The following DNAJC21 variants were observed in gnomAD, a reference collection of about 807,000 sequenced individuals.
DNAJC21 encodes dnaJ homolog subfamily C member 21.
A neutral mutation model predicts 72.4 loss-of-function variants in DNAJC21; 63 were observed. The ratio of observed to expected loss-of-function variants is 0.87; its 90% CI spans 0.71 to 1.07. The LOEUF (loss-of-function observed/expected upper bound fraction) is 1.07, where lower values mean the gene tolerates loss of function less well. Ranked by LOEUF, DNAJC21 falls within the 50% of genes least tolerant of loss-of-function variation. The pLI is 0.00. For missense variants in DNAJC21, 634 were observed against 644.8 expected (o/e 0.98, Z 0.18); for synonymous variants, 203 against 216.7 (o/e 0.94, Z 0.56).
At chr5:34,942,843 C>A (rs141569948) in intron 7 of DNAJC21, among the ~76,000 whole-genome samples, 1 of 152,102 alleles carries the variant, frequency 6.6e-6, no homozygotes, top group East Asian at 1.9e-4. Flanking sequence ...TTGAGGTGGA[C>A]AGATCACCTG....
At chr5:34,938,724 A>G (rs1764879659) in intron 5 of DNAJC21, 134 bp from the exon 6 acceptor site, 1 of 966,024 alleles carries the variant, frequency 1.0e-6, no homozygotes, top group Non-Finnish European at 1.4e-6. Context: ...TTAACTAAGC[A>G]CAGGTTTTAA....
chr5:34,932,392 G>T (rs1318384867), intron 1 of DNAJC21, among the ~76,000 whole-genome samples: 2 of 147,496 alleles, frequency 1.4e-5, no homozygotes, highest in African/African-American at 5.1e-5. Context: ...CTGCACTCCA[G>T]CCTGGTGACA....
At chr5:34,953,496 C>CA (rs1272880956) in intron 10 of DNAJC21, 2 of 152,720 alleles carry the variant, frequency 1.3e-5, no homozygotes, top group Non-Finnish European at 2.9e-5. Context: ...CTCCTGACCT[C>CA]AAGTGATCTC....
Position 34,954,985 on chromosome 5 carries a change from C to T in DNAJC21, c.*271C>T, listed in dbSNP as rs1387181911. 1 of 240,934 alleles carries T rather than the reference C, an allele frequency of 4.2e-6. No individual in the cohort carries two copies. The highest frequency in any genetic ancestry group is 7.9e-6 in the Non-Finnish European group (1 of 126,842). 14.9% of individuals were successfully genotyped at this position (240,934 alleles called of 1,614,324 possible). A position where few individuals can be genotyped will look rare whatever the true frequency, so the allele number is the denominator to read the frequency against. On this transcript the variant is annotated 3_prime_UTR_variant, in exon 12 of 12. Transcript: ENST00000648817. Reference sequence around the variant, plus strand: ...TGTGTATTCTTGATGTTTATTGGCTCATGTGGACAGAAATGTACAGGGAGA... The same window carrying T: ...TGTGTATTCTTGATGTTTATTGGCTTATGTGGACAGAAATGTACAGGGAGA...
At chr5:34,945,664 T>G in intron 8 of DNAJC21, 97 bp from the exon 9 acceptor site, 1 of 1,032,384 alleles carries the variant, frequency 9.7e-7, no homozygotes, top group Non-Finnish European at 1.4e-6. Flanking sequence ...TTTACTTCTG[T>G]TTTACTACTT....
At position 34,937,644 on chromosome 5, in the gene DNAJC21, G is replaced by C. The variant is rs376034641; in HGVS notation, c.743+14G>C. 1.7e-5 allele frequency: 27 copies of C among 1,600,072 alleles called. No individual in the cohort carries two copies. In the African/African-American group the frequency reaches 3.2e-4, roughly 19 times the overall value. ...AAAGCAGGCCAAGTGCGTAGCGTGC[G>C]TGGGGCCCTCTTCTCAGTATCGGTG... On this transcript the variant is annotated intron_variant, in intron 5 of 11. Transcript: ENST00000648817.
chr5:34,942,296 G>T (rs1386456131), intron 7 of DNAJC21, among the ~76,000 whole-genome samples: 4 of 152,016 alleles, frequency 2.6e-5, no homozygotes. Context: ...CAATGATGAA[G>T]AAAGAAGTAT....
chr5:34,943,101 A>G (rs1195960893), intron 7 of DNAJC21, among the ~76,000 whole-genome samples: 3 of 152,210 alleles, frequency 2.0e-5, no homozygotes, highest in African/African-American at 7.2e-5. Context: ...TTATTCTCTT[A>G]TGTAACCATG....
Position 34,933,802 on chromosome 5 carries a change from G to C in DNAJC21, c.98-13G>C. ...ACGTTTTTGATTGACTTAAATTTCT[G>C]TGACTTTAACAGATAAAAATCTGGA... On this transcript the variant is annotated splice_polypyrimidine_tract_variant and intron_variant, in intron 1 of 11. Coordinates refer to ENST00000648817, the MANE Select transcript of DNAJC21 (RefSeq NM_001012339.3). The C allele has an allele frequency of 6.2e-7, 1 of 1,609,090 alleles. No individual in the cohort carries two copies. The highest frequency in any genetic ancestry group is 8.5e-7 in the Non-Finnish European group (1 of 1,177,512).
At chr5:34,937,969 T>A (rs776918001) in intron 5 of DNAJC21, among the ~76,000 whole-genome samples, 2 of 152,080 alleles carry the variant, frequency 1.3e-5, no homozygotes, top group African/African-American at 2.4e-5. Flanking sequence ...AGCTAATTTT[T>A]GTATTTTTAG....
rs145257223 is a variant in DNAJC21 at position 34,937,382 on chromosome 5, A to G, written c.495A>G (p.Ala165=). 5.2e-5 allele frequency: 84 copies of G among 1,613,898 alleles called. No individual in the cohort carries two copies. The African/African-American group carries it at 1.1e-3, about 20-fold the overall frequency. The part of the protein sequence containing the change: ...WQSFCTQKNF[A]WKEEYDTRQA... ...GTTTCTGCACTCAAAAGAATTTTGCATGGAAGGAAGAATATGATACACGAC... is the reference window on the plus strand; with the variant it reads ...GTTTCTGCACTCAAAAGAATTTTGCGTGGAAGGAAGAATATGATACACGAC... The change falls in exon 5 of 12, where the codon GCA becomes GCG. Residue 165 remains alanine (A), a synonymous_variant. Coordinates refer to ENST00000648817, the MANE Select transcript of DNAJC21 (RefSeq NM_001012339.3).
At chr5:34,944,299 G>A (rs1765097913) in intron 7 of DNAJC21, among the ~76,000 whole-genome samples, 1 of 152,168 alleles carries the variant, frequency 6.6e-6, no homozygotes, top group African/African-American at 2.4e-5. Flanking sequence ...TGTTGAAAAA[G>A]CAAGAGGCAG....
rs1454291950 is a variant in DNAJC21, at chr5:34,944,894, G to A, written c.1011G>A (p.Lys337=). ...KAMKNHEKSK[K]HREMVALLKQ... ...TGAAGAATCACGAGAAGTCAAAGAAGCATCGGGAAATGGTGGCCTTGCTAA... is the reference window on the plus strand; with the variant it reads ...TGAAGAATCACGAGAAGTCAAAGAAACATCGGGAAATGGTGGCCTTGCTAA... The change falls in exon 8 of 12, where the codon AAG becomes AAA. Residue 337 remains lysine (K), a synonymous_variant. Coordinates refer to ENST00000648817, the MANE Select transcript of DNAJC21 (RefSeq NM_001012339.3). 6.2e-7 allele frequency: 1 copy of A among 1,614,122 alleles called. No individual in the cohort carries two copies. Among genetic ancestry groups the A allele is most frequent in the South Asian group, 1.1e-5 (1 of 91,080 alleles).
intron 10 of DNAJC21, chr5:34,952,248 T>C (rs1765397993): frequency 1.0e-6 from 1 of 984,206 alleles, no homozygotes; most frequent in South Asian, 4.7e-5. Context: ...TTATCCTAAA[T>C]TTGTTAGACA....
rs754153100 is a variant in DNAJC21, at chr5:34,937,582, C to T, written c.695C>T (p.Ala232Val). ...KLVEEQNAEKARKAEEMRRQQ... is the reference protein window; with the variant it reads ...KLVEEQNAEKVRKAEEMRRQQ... Reference sequence around the variant, plus strand: ...GTGGAAGAACAGAATGCAGAGAAGGCGAGGAAAGCCGAAGAGATGAGGCGG... The same window carrying T: ...GTGGAAGAACAGAATGCAGAGAAGGTGAGGAAAGCCGAAGAGATGAGGCGG... Residue 232 changes from alanine (A) to valine (V), a missense_variant, in exon 5 of 12, where the codon GCG (alanine) becomes GTG (valine). Ala to Val is a moderately conservative substitution (Grantham distance 64). Transcript: ENST00000648817. 19 of 1,613,506 alleles carry T rather than the reference C, an allele frequency of 1.2e-5. No individual in the cohort carries two copies. Among genetic ancestry groups the T allele is most frequent in the Middle Eastern group, 3.3e-4 (2 of 6,078 alleles).
Position 34,958,865 on chromosome 5 carries a change from A to C in DNAJC21, c.*4151A>C, listed in dbSNP as rs1765606239. On this transcript the variant is annotated 3_prime_UTR_variant, in exon 12 of 12. Coordinates refer to ENST00000648817, the MANE Select transcript of DNAJC21 (RefSeq NM_001012339.3). ...AAATTATGTTAAAAAAATAAGAAGAATGACTATTTTTCAAAACAAAAAATG... is the reference window on the plus strand; with the variant it reads ...AAATTATGTTAAAAAAATAAGAAGACTGACTATTTTTCAAAACAAAAAATG... The C allele has an allele frequency of 6.6e-6, 1 of 152,242 alleles. No homozygotes were observed. The highest frequency in any genetic ancestry group is 1.5e-5 in the Non-Finnish European group (1 of 68,038). The allele number at this position is 152,242 out of a possible 1,614,324, so 9.4% of individuals were successfully genotyped here. A position where few individuals can be genotyped will look rare whatever the true frequency, so the allele number is the denominator to read the frequency against.
chr5:34,946,238 T>C (rs528457569), intron 9 of DNAJC21, among the ~76,000 whole-genome samples: 179 of 152,176 alleles, frequency 1.2e-3, no homozygotes, highest in Non-Finnish European at 2.0e-3. Context: ...CTTGTAATGA[T>C]TGTGAGTCTT....
At chr5:34,950,932 C>T (rs1765343678) in intron 10 of DNAJC21, 1 of 985,316 alleles carries the variant, frequency 1.0e-6, no homozygotes, top group South Asian at 4.7e-5. Flanking sequence ...TCCTCTAGAA[C>T]AGAGAATCAT....
intron 7 of DNAJC21, 125 bp downstream of exon 7, chr5:34,941,308 C>A: frequency 1.2e-6 from 1 of 814,604 alleles, no homozygotes; most frequent in Non-Finnish European, 2.0e-6. Context: ...GATGATCCTC[C>A]CATGTCAGCC....
Sources: gnomAD v4.1 joint callset for allele counts (sites outside exome capture counted in the v4.1 genomes callset) on GRCh38, gnomAD v4.1.1 for gene constraint, MANE v1.5 for transcripts, NCBI Gene and HGNC (gene_info 2026-07-23, HGNC 2026-07-21) for gene names.